Variants in TUSC3 observed in about 807,000 individuals in gnomAD.
TUSC3 encodes the protein tumor suppressor candidate 3, also known as dolichyl-diphosphooligosaccharide--protein glycosyltransferase subunit TUSC3.
In TUSC3, 45 loss-of-function variants were observed where a neutral mutation model predicts 44.8. The ratio of observed to expected loss-of-function variants is 1.00; its 90% CI spans 0.79 to 1.29. The LOEUF (loss-of-function observed/expected upper bound fraction) is 1.29, where lower values mean the gene tolerates loss of function less well. TUSC3 is among the 50% of genes most tolerant of loss of function. The pLI, the probability that TUSC3 is intolerant of heterozygous loss-of-function variation, is 0.00. For synonymous variants in TUSC3, 212 were observed against 152.9 expected (o/e 1.39, Z -2.85); for missense variants, 519 against 437.9 (o/e 1.19, Z -1.65).
At chr8:15,497,330 C>CATAT (rs960621198) in intron 2 of TUSC3, among the ~76,000 whole-genome samples, 27 of 152,188 alleles carry the variant, frequency 1.8e-4, no homozygotes, top group Admixed American at 3.9e-4. Flanking sequence ...ATAGAAGAGA[C>CATAT]ATATCCTCAA....
chr8:15,554,228 A>G (rs1802158764), intron 1 of TUSC3, among the ~76,000 whole-genome samples: 1 of 151,816 alleles, frequency 6.6e-6, no homozygotes, highest in African/African-American at 2.4e-5. Flanking sequence ...GTGGGGATAC[A>G]AACATGCAGA....
chr8:15,838,799 C>T, the TUSC3 span, among the ~76,000 whole-genome samples: 1 of 152,174 alleles, frequency 6.6e-6, no homozygotes, highest in Non-Finnish European at 1.5e-5. Context: ...GTGATGACTC[C>T]AGCTTTGTTC....
chr8:15,561,294 G>T (rs908715583), intron 1 of TUSC3, among the ~76,000 whole-genome samples: 3 of 148,092 alleles, frequency 2.0e-5, no homozygotes, highest in Non-Finnish European at 4.5e-5. Context: ...CTGCTGGGGG[G>T]TGCCTCCCAG....
intron 6 of TUSC3, among the ~76,000 whole-genome samples, chr8:15,681,218 C>T (rs1372383906): frequency 1.4e-5 from 2 of 147,282 alleles, no homozygotes; most frequent in Non-Finnish European, 3.0e-5. Context: ...TTCCGTCCTC[C>T]TTTTTTTTTG....
intron 2 of TUSC3, among the ~76,000 whole-genome samples, chr8:15,636,432 T>C (rs1160814900): frequency 6.6e-6 from 1 of 152,200 alleles, no homozygotes; most frequent in East Asian, 1.9e-4. Context: ...GGACGCTTAA[T>C]ACCTTAGTCA....
intron 6 of TUSC3, among the ~76,000 whole-genome samples, chr8:15,677,223 C>G (rs1808230527): frequency 6.6e-6 from 1 of 152,114 alleles, no homozygotes; most frequent in African/African-American, 2.4e-5. Flanking sequence ...TGGTCTTGAA[C>G]TCCTGGACTC....
intron 9 of TUSC3, among the ~76,000 whole-genome samples, chr8:15,750,718 G>A (rs1217348635): frequency 1.3e-5 from 2 of 151,974 alleles, no homozygotes; most frequent in Admixed American, 6.6e-5. Context: ...TGCCACTTAC[G>A]TTATTTCTGT....
At chr8:15,682,931 A>ATT (rs1808485375) in intron 6 of TUSC3, among the ~76,000 whole-genome samples, 1 of 152,000 alleles carries the variant, frequency 6.6e-6, no homozygotes, top group Admixed American at 6.6e-5. Flanking sequence ...ATGAGATGCA[A>ATT]TTCTTGGTTG....
At chr8:15,761,818 A>G (rs1812178609) in intron 10 of TUSC3, among the ~76,000 whole-genome samples, 2 of 152,164 alleles carry the variant, frequency 1.3e-5, no homozygotes. Flanking sequence ...GCATTTATAC[A>G]TTTTTGTGAT....
rs117230693 is a variant in TUSC3, at chr8:15,630,733, C to T, written c.308+7484C>T. 1.0e-3 allele frequency among the ~76,000 whole-genome samples: 155 copies of T among 152,190 alleles called. 1 individual carries two copies. The East Asian group carries it at 0.027, about 27-fold the overall frequency. ...TAGTGTCTTAGGGCAGTGATCTCTC[C>T]GCCAGCATATCCTAAACTTGTATGA... is the stretch of plus-strand genomic sequence containing the variant. On this transcript the variant is annotated intron_variant, in intron 2 of 10. Coordinates refer to ENST00000503731, the MANE Select transcript of TUSC3 (RefSeq NM_006765.4).
chr8:15,460,786 G>A (rs1800334907), intron 1 of TUSC3, among the ~76,000 whole-genome samples: 2 of 152,128 alleles, frequency 1.3e-5, no homozygotes, highest in South Asian at 4.1e-4. Context: ...TGAAAAGGGT[G>A]TCGTTTCCCC....
chr8:15,480,779 T>C lies in TUSC3; in HGVS notation n.92-2607T>C, dbSNP rs565868884. Among the ~76,000 whole-genome samples, 4 of 152,306 alleles carry C rather than the reference T, an allele frequency of 2.6e-5. No individual in the cohort carries two copies. The South Asian group carries it at 8.3e-4, about 32-fold the overall frequency. Reference sequence around the variant, plus strand: ...GATGAGAGCTATTAATATAACCTCATTTAACCTATTACCTATTTAAGTCTC... The same window carrying C: ...GATGAGAGCTATTAATATAACCTCACTTAACCTATTACCTATTTAAGTCTC... On this transcript the variant is annotated intron_variant and non_coding_transcript_variant, in intron 1 of 5. Coordinates refer to the TUSC3 transcript ENST00000503191.
chr8:15,770,711 T>C (rs1812426766), downstream of TUSC3, among the ~76,000 whole-genome samples: 1 of 152,092 alleles, frequency 6.6e-6, no homozygotes, highest in African/African-American at 2.4e-5. Context: ...AACTTGAAGC[T>C]AGGTCAGTTG....
chr8:15,689,544 G>T, intron 6 of TUSC3: 1 of 169,040 alleles, frequency 5.9e-6, no homozygotes, highest in Non-Finnish European at 1.3e-5. Flanking sequence ...GACACCGAAG[G>T]GATGTTGCTC....
the TUSC3 span, among the ~76,000 whole-genome samples, chr8:15,801,166 T>C: frequency 6.6e-6 from 1 of 152,144 alleles, no homozygotes; most frequent in Non-Finnish European, 1.5e-5. Flanking sequence ...TTTTTAATGG[T>C]TATTTCTTGA....
chr8:15,489,731 A>T (rs956056853), intron 2 of TUSC3, among the ~76,000 whole-genome samples: 2 of 152,308 alleles, frequency 1.3e-5, no homozygotes, highest in African/African-American at 4.8e-5. Flanking sequence ...GTTGCGCATG[A>T]ATTCAAAAGG....
At chr8:15,806,778 ATTCT>A in the TUSC3 span, 3 of 805,722 alleles carry the variant, frequency 3.7e-6, no homozygotes, top group Non-Finnish European at 6.3e-6. Flanking sequence ...TTCTGAATTC[ATTCT>A]TTTTCTAGCG....
chr8:15,469,478 C>CA (rs1461464382), intron 1 of TUSC3, among the ~76,000 whole-genome samples: 1 of 152,120 alleles, frequency 6.6e-6, no homozygotes, highest in African/African-American at 2.4e-5. Flanking sequence ...TTAGAATGGC[C>CA]AAAATCCAAA....
At position 15,730,845 on chromosome 8, in the gene TUSC3, C is replaced by T. The variant is rs1281273943; in HGVS notation, c.862+116C>T. ...CTTTTAAGAGACATTAAATTTTAGG[C>T]TGTACTATATGACTAATTTTTATTT... On this transcript the variant is annotated intron_variant, in intron 7 of 10. Coordinates refer to ENST00000503731, the MANE Select transcript of TUSC3 (RefSeq NM_006765.4). 5.1e-6 allele frequency: 5 copies of T among 983,870 alleles called. No homozygotes were observed. In the South Asian group the frequency reaches 5.7e-5, roughly 11 times the overall value. The allele number at this position is 983,870 out of a possible 1,614,324, so 60.9% of individuals were successfully genotyped here.
Sources: allele counts gnomAD v4.1 joint callset (sites outside exome capture counted in the v4.1 genomes callset), GRCh38; gene constraint gnomAD v4.1.1; transcripts MANE v1.5; gene names NCBI Gene and HGNC (gene_info 2026-07-23, HGNC 2026-07-21).